The following CCDC7 variants were observed in gnomAD, a reference collection of about 807,000 sequenced individuals.
CCDC7 encodes coiled-coil domain containing 7, also known as coiled-coil domain-containing protein 7.
CCDC7 carries 183 observed loss-of-function variants against 196.9 expected under a neutral mutation model. The ratio of observed to expected loss-of-function variants is 0.93; its 90% CI spans 0.82 to 1.05. CCDC7 has a LOEUF of 1.05. CCDC7 is among the 50% of genes least tolerant of loss of function. CCDC7 has a pLI of 0.00. For synonymous variants in CCDC7, 525 were observed against 484.6 expected, an observed-to-expected ratio of 1.08 and a Z score of -1.10; for missense variants, 1,540 against 1,482.2, an observed-to-expected ratio of 1.04 and a Z score of -0.64.
At chr10:32,471,328 C>A in intron 6 of CCDC7, 98 bp downstream of exon 7, 1 of 1,374,922 alleles carries the variant, frequency 7.3e-7, no homozygotes, top group Non-Finnish European at 9.7e-7. Context: ...GATGGCTATA[C>A]ACAGAGCTTC....
chr10:32,474,662 A>C (rs1260014880), intron 8 of CCDC7, among the ~76,000 whole-genome samples: 3 of 152,192 alleles, frequency 2.0e-5, no homozygotes, highest in Non-Finnish European at 4.4e-5. Context: ...AATAGTTTGT[A>C]GATTTTGTTA....
chr10:32,764,593 T>G (rs890264221), intron 28 of CCDC7, among the ~76,000 whole-genome samples: 1 of 151,918 alleles, frequency 6.6e-6, no homozygotes, highest in Non-Finnish European at 1.5e-5. Context: ...CGTGGTTTAC[T>G]GAAAAGGAAG....
At chr10:32,744,258 A>G (rs1310717099) in intron 28 of CCDC7, among the ~76,000 whole-genome samples, 1 of 152,206 alleles carries the variant, frequency 6.6e-6, no homozygotes, top group Non-Finnish European at 1.5e-5. Flanking sequence ...TTTGCTAAAA[A>G]GCATAAATCC....
chr10:32,484,741 A>T (rs533747327), intron 8 of CCDC7, among the ~76,000 whole-genome samples: 133 of 152,324 alleles, frequency 8.7e-4, no homozygotes, highest in African/African-American at 3.2e-3. Context: ...CCTTTTCTGC[A>T]TCTATTGAGA....
rs537873702 is a variant in CCDC7 at position 32,580,145 on chromosome 10, G to T, written c.1455-2889G>T. 1.3e-5 allele frequency among the ~76,000 whole-genome samples: 2 copies of T among 152,080 alleles called. 1 individual carries two copies. Among genetic ancestry groups the T allele is most frequent in the Admixed American group, 1.3e-4 (2 of 15,264 alleles). On this transcript the variant is annotated intron_variant, in intron 16 of 41. Transcript: ENST00000639629. Reference sequence around the variant, plus strand: ...TGATGACTTTTTTTTTCTAGTAAGAGAATAGTTTTTCTTTTATCCTATATA... The same window carrying T: ...TGATGACTTTTTTTTTCTAGTAAGATAATAGTTTTTCTTTTATCCTATATA...
chr10:32,843,753 G>A (rs921964555), intron 33 of CCDC7, among the ~76,000 whole-genome samples: 2 of 151,908 alleles, frequency 1.3e-5, no homozygotes, highest in African/African-American at 2.4e-5. Flanking sequence ...TCCTTCTTAT[G>A]TGTGCTAGTT....
In CCDC7 at chr10:32,726,837, G is replaced by C. The variant is rs182961663; in HGVS notation, c.2668+5G>C. The C allele has an allele frequency of 1.3e-4, 201 of 1,517,110 alleles. 1 individual carries two copies. The African/African-American group carries it at 2.3e-3, about 18-fold the overall frequency. The allele number at this position is 1,517,110 out of a possible 1,614,324, so 94.0% of individuals were successfully genotyped here. A position where few individuals can be genotyped will look rare whatever the true frequency, so the allele number is the denominator to read the frequency against. On this transcript the variant is annotated splice_donor_5th_base_variant and intron_variant, in intron 26 of 41. Coordinates refer to ENST00000639629, the Ensembl canonical transcript of CCDC7. The stretch of plus-strand genomic sequence containing the variant: ...CTGGAAGGGAAAGGCGTAATAGTAA[G>C]TGTAGTAATTATAGATGACTTTAAA...
At chr10:32,821,879 G>A (rs1593138556) in intron 31 of CCDC7, among the ~76,000 whole-genome samples, 2 of 152,036 alleles carry the variant, frequency 1.3e-5, no homozygotes, top group South Asian at 4.1e-4. Context: ...GTTAATGGGT[G>A]CAGCACACCA....
exon 20 of CCDC7, chr10:32,635,104 A>G (rs1205919296): frequency 1.0e-5 from 4 of 398,858 alleles, no homozygotes; most frequent in South Asian, 2.5e-4. Context: ...TTTAGTTTCA[A>G]GAATCCAATC....
chr10:32,665,077 T>A (rs2072355384), intron 21 of CCDC7, among the ~76,000 whole-genome samples: 1 of 152,046 alleles, frequency 6.6e-6, no homozygotes, highest in South Asian at 2.1e-4. Context: ...GTTGAACACT[T>A]GTTCATATAC....
intron 24 of CCDC7, among the ~76,000 whole-genome samples, chr10:32,704,827 T>G (rs760114804): frequency 2.0e-5 from 3 of 152,156 alleles, no homozygotes; most frequent in Non-Finnish European, 4.4e-5. Context: ...GCGGGATATA[T>G]TCTCCTGGTG....
chr10:32,500,419 C>A (rs933330500), intron 9 of CCDC7, among the ~76,000 whole-genome samples: 1 of 149,396 alleles, frequency 6.7e-6, no homozygotes, highest in African/African-American at 2.5e-5. Context: ...GGGTCACGGC[C>A]AGGCAGAGGC....
intron 21 of CCDC7, among the ~76,000 whole-genome samples, chr10:32,673,525 G>T (rs1321424187): frequency 2.0e-5 from 3 of 151,934 alleles, no homozygotes; most frequent in Non-Finnish European, 4.4e-5. Flanking sequence ...TGATGTGATT[G>T]TAAGTAGGAT....
intron 9 of CCDC7, among the ~76,000 whole-genome samples, chr10:32,504,497 G>A (rs183437730): frequency 5.8e-4 from 88 of 152,148 alleles, no homozygotes; most frequent in Non-Finnish European, 9.3e-4. Context: ...TATCACATTA[G>A]GTTATTTATT....
At chr10:32,703,950 A>G (rs1174174237) in intron 24 of CCDC7, among the ~76,000 whole-genome samples, 3 of 151,960 alleles carry the variant, frequency 2.0e-5, no homozygotes, top group Non-Finnish European at 2.9e-5. Context: ...CTTCTTTGCC[A>G]TGGGTTAGAA....
intron 20 of CCDC7, among the ~76,000 whole-genome samples, chr10:32,651,589 C>T (rs1367523631): frequency 6.6e-6 from 1 of 152,146 alleles, no homozygotes; most frequent in Non-Finnish European, 1.5e-5. Flanking sequence ...CGGGCAGGAG[C>T]ACTCTGTCTT....
At position 32,595,673 on chromosome 10, in the gene CCDC7, G is replaced by A. The variant is rs188032396; in HGVS notation, c.1801+11369G>A. On this transcript the variant is annotated intron_variant, in intron 18 of 41. Transcript: ENST00000639629. ...TAGATCTCTGCTGCTTTCTCTTGTC[G>A]GCATTTAGTGCTATAAATTTTTCTC... Among the ~76,000 whole-genome samples the A allele has an allele frequency of 2.6e-5, 4 of 152,142 alleles. No individual in the cohort carries two copies. The East Asian group carries it at 5.8e-4, about 22-fold the overall frequency.
At chr10:32,870,225 C>T (rs1325147488) in intron 41 of CCDC7, among the ~76,000 whole-genome samples, 1 of 152,096 alleles carries the variant, frequency 6.6e-6, no homozygotes, top group African/African-American at 2.4e-5. Context: ...TCTTCCTACC[C>T]ATGAGCATGG....
intron 16 of CCDC7, among the ~76,000 whole-genome samples, chr10:32,577,779 T>TA (rs1428838156): frequency 1.3e-5 from 2 of 152,172 alleles, no homozygotes. Flanking sequence ...GGATGTGCTA[T>TA]ATCCCCCTTT....
Sources: allele counts gnomAD v4.1 joint callset (sites outside exome capture counted in the v4.1 genomes callset), GRCh38; gene constraint gnomAD v4.1.1; transcripts MANE v1.5; gene names NCBI Gene and HGNC (gene_info 2026-07-23, HGNC 2026-07-21).